The following ZNF804B variants were observed in gnomAD, a reference collection of about 807,000 sequenced individuals.
ZNF804B encodes zinc finger 804B.
A neutral mutation model predicts 101.4 loss-of-function variants in ZNF804B; 80 were observed. The observed-to-expected ratio is 0.79, with a 90% confidence interval of 0.66 to 0.95. The LOEUF (loss-of-function observed/expected upper bound fraction) is 0.95, where lower values mean the gene tolerates loss of function less well. Among genes scored for constraint, ZNF804B ranks in the 40% least tolerant of loss-of-function variants. The pLI, the probability that ZNF804B is intolerant of heterozygous loss-of-function variation, is 0.00. For missense variants in ZNF804B, 1,673 were observed against 1,561.9 expected (o/e 1.07, Z -1.20); for synonymous variants, 622 against 558.8 (o/e 1.11, Z -1.59).
At chr7:88,776,302 C>T (rs1382310746) in intron 1 of ZNF804B, among the ~76,000 whole-genome samples, 1 of 152,130 alleles carries the variant, frequency 6.6e-6, no homozygotes, top group African/African-American at 2.4e-5. Context: ...ATTGTTGTAT[C>T]AAATTGTTGA....
intron 1 of ZNF804B, among the ~76,000 whole-genome samples, chr7:89,071,430 A>G (rs1285668791): frequency 1.3e-5 from 2 of 152,186 alleles, no homozygotes; most frequent in African/African-American, 4.8e-5. Flanking sequence ...TAATTAATTA[A>G]GAAAGTCTTT....
chr7:89,253,099 T>G (rs1429911813), intron 2 of ZNF804B, among the ~76,000 whole-genome samples: 2 of 152,140 alleles, frequency 1.3e-5, no homozygotes, highest in South Asian at 4.1e-4. Context: ...AATATGAAAA[T>G]GCTGCTTTTC....
intron 2 of ZNF804B, among the ~76,000 whole-genome samples, chr7:89,235,040 T>C: frequency 6.6e-6 from 1 of 152,182 alleles, no homozygotes; most frequent in East Asian, 1.9e-4. Flanking sequence ...CAGTGCTTAA[T>C]CCAATAAATA....
chr7:89,266,877 T>TTGTGTGTGTGTGTGTGTGTGTG lies in ZNF804B; in HGVS notation c.249+48597_249+48598insGTGTGTGTGTGTGTGTGTGTGT, dbSNP rs66604616. On this transcript the variant is annotated intron_variant, in intron 2 of 3. Coordinates refer to ENST00000333190, the MANE Select transcript of ZNF804B (RefSeq NM_181646.5). ...AGTACTAATGTTTGTGTGTCTGTGT[T>TTGTGTGTGTGTGTGTGTGTGTG]TGTGTGTGTGTGTGTCTTTGGGAGT... Among the ~76,000 whole-genome samples the TTGTGTGTGTGTGTGTGTGTGTG allele has an allele frequency of 4.8e-3, 718 of 150,976 alleles. 7 individuals carry two copies. Among genetic ancestry groups the TTGTGTGTGTGTGTGTGTGTGTG allele is most frequent in the African/African-American group, 0.016 (653 of 40,960 alleles).
chr7:88,844,899 CTT>C (rs1286077134), intron 1 of ZNF804B, among the ~76,000 whole-genome samples: 1 of 152,122 alleles, frequency 6.6e-6, no homozygotes, highest in East Asian at 1.9e-4. Context: ...CATTTTGTCT[CTT>C]GAATAAACAT....
At chr7:89,239,386 A>C (rs1238198918) in intron 2 of ZNF804B, among the ~76,000 whole-genome samples, 1 of 152,184 alleles carries the variant, frequency 6.6e-6, no homozygotes, top group Non-Finnish European at 1.5e-5. Context: ...GATACCCCAG[A>C]GTTCAAGTCG....
chr7:89,258,254 G>C (rs1263059740), intron 2 of ZNF804B, among the ~76,000 whole-genome samples: 1 of 152,052 alleles, frequency 6.6e-6, no homozygotes, highest in East Asian at 1.9e-4. Flanking sequence ...TAAGGAACTT[G>C]AGCATCTGCA....
Position 89,330,580 on chromosome 7 carries a change from G to T in ZNF804B, c.381-2783G>T, listed in dbSNP as rs910788386. Among the ~76,000 whole-genome samples, 2 of 151,212 alleles carry T rather than the reference G, an allele frequency of 1.3e-5. 1 individual carries two copies. Among genetic ancestry groups the T allele is most frequent in the South Asian group, 4.2e-4 (2 of 4,816 alleles). ...ATAGTAGAATTTAAAACCCCACAAA[G>T]ATAAAAACAGGATTTTCCAAAATAA... On this transcript the variant is annotated intron_variant, in intron 3 of 3. Coordinates refer to ENST00000333190, the MANE Select transcript of ZNF804B (RefSeq NM_181646.5).
chr7:89,103,555 C>G (rs771517059), intron 1 of ZNF804B, among the ~76,000 whole-genome samples: 14 of 151,626 alleles, frequency 9.2e-5, no homozygotes, highest in Non-Finnish European at 1.3e-4. Context: ...TATTGGTGTA[C>G]AGAAGTGCTA....
In ZNF804B at chr7:89,335,187, C is replaced by T. The variant is rs200424784; in HGVS notation, c.2205C>T (p.Ser735=). ...TCSSHRFNGN[S]RGNLLCFHKR... ...CAAGTCATAGATTCAATGGTAATAG[C>T]AGAGGTAATTTGCTCTGCTTCCATA... Residue 735 remains serine, a synonymous_variant, in exon 4 of 4, where the codon AGC becomes AGT. Transcript: ENST00000333190. 49 of 1,613,722 alleles carry T rather than the reference C, an allele frequency of 3.0e-5. No individual in the cohort carries two copies. The highest frequency in any genetic ancestry group is 3.8e-5 in the Non-Finnish European group (45 of 1,179,926).
At chr7:88,811,712 T>G (rs1790791164) in intron 1 of ZNF804B, among the ~76,000 whole-genome samples, 1 of 152,030 alleles carries the variant, frequency 6.6e-6, no homozygotes, top group African/African-American at 2.4e-5. Flanking sequence ...CTCAGCAAAC[T>G]AACACAGGAA....
At chr7:88,944,527 T>G (rs1454197200) in intron 1 of ZNF804B, among the ~76,000 whole-genome samples, 1 of 151,708 alleles carries the variant, frequency 6.6e-6, no homozygotes, top group East Asian at 1.9e-4. Flanking sequence ...CCATGGGTTC[T>G]GCATCTGGAG....
rs184494173 is a variant in ZNF804B, at chr7:89,318,759, T to C, written c.250-8585T>C. Among the ~76,000 whole-genome samples the C allele has an allele frequency of 2.3e-3, 355 of 152,192 alleles. 2 individuals carry two copies. The highest frequency in any genetic ancestry group is 8.3e-3 in the African/African-American group (344 of 41,536). On this transcript the variant is annotated intron_variant, in intron 2 of 3. Transcript: ENST00000333190. ...CCTGGGTGACAGAGCAAGACTCCAT[T>C]GCTGAGACCAGCTCATTCGGAGAGA... is the stretch of plus-strand genomic sequence containing the variant.
chr7:89,297,122 T>A lies in ZNF804B; in HGVS notation c.250-30222T>A, dbSNP rs537711163. Among the ~76,000 whole-genome samples the A allele has an allele frequency of 1.2e-4, 18 of 152,196 alleles. No homozygotes were observed. The South Asian group carries it at 3.7e-3, about 31-fold the overall frequency. ...TCTTAATTAGTATAGGTAGATGTGT[T>A]CTGCCTGACCAGGTCACAATTTCAA... On this transcript the variant is annotated intron_variant, in intron 2 of 3. Transcript: ENST00000333190.
intron 1 of ZNF804B, among the ~76,000 whole-genome samples, chr7:89,192,775 C>G (rs922928346): frequency 4.6e-5 from 7 of 152,042 alleles, no homozygotes; most frequent in African/African-American, 1.7e-4. Flanking sequence ...AAAACCAAAT[C>G]CAGCAGCACA....
At chr7:89,249,029 T>TAAAAAAAAA (rs58553222) in intron 2 of ZNF804B, among the ~76,000 whole-genome samples, 1 of 119,232 alleles carries the variant, frequency 8.4e-6, no homozygotes, top group Non-Finnish European at 1.8e-5. Flanking sequence ...CCAATAACAG[T>TAAAAAAAAA]AAAAAAAAAA....
intron 1 of ZNF804B, among the ~76,000 whole-genome samples, chr7:88,790,602 C>G (rs962811329): frequency 7.2e-5 from 11 of 152,078 alleles, no homozygotes; most frequent in African/African-American, 2.4e-4. Flanking sequence ...AGGACATGAT[C>G]TTGTTCCTTT....
intron 2 of ZNF804B, among the ~76,000 whole-genome samples, chr7:89,270,904 G>C (rs1430029731): frequency 6.6e-6 from 1 of 152,086 alleles, no homozygotes; most frequent in East Asian, 1.9e-4. Context: ...TGTGAATTTT[G>C]TACATTGATT....
At chr7:89,199,869 A>C (rs1026089543) in intron 1 of ZNF804B, among the ~76,000 whole-genome samples, 2 of 148,442 alleles carry the variant, frequency 1.3e-5, no homozygotes, top group African/African-American at 4.9e-5. Flanking sequence ...TATACATTAT[A>C]TATGTAGTAT....
Sources: gnomAD v4.1 joint callset for allele counts (sites outside exome capture counted in the v4.1 genomes callset) on GRCh38, gnomAD v4.1.1 for gene constraint, MANE v1.5 for transcripts, NCBI Gene and HGNC (gene_info 2026-07-23, HGNC 2026-07-21) for gene names.